The following SMYD5 variants were observed in gnomAD, a reference collection of about 807,000 sequenced individuals.
The protein encoded by SMYD5 is SMYD family member 5.
Under a neutral mutation model 57.4 loss-of-function variants are expected in SMYD5, and 35 were observed. The observed-to-expected ratio is 0.61, with a 90% CI of 0.47 to 0.81. The LOEUF is 0.81. Ranked by LOEUF, SMYD5 falls within the 30% of genes least tolerant of loss-of-function variation. SMYD5 has a pLI of 0.00. For missense variants in SMYD5, 471 were observed against 527.9 expected, an observed-to-expected ratio of 0.89 and a Z score of 1.06; for synonymous variants, 198 against 189.7, an observed-to-expected ratio of 1.04 and a Z score of -0.36.
intron 1 of SMYD5, 27 bp from the exon 2 acceptor site, chr2:73,218,834 G>A: frequency 6.5e-7 from 1 of 1,544,042 alleles, no homozygotes; most frequent in Admixed American, 1.7e-5. Context: ...TCCTTTTTAT[G>A]GCCATCCTAT....
rs368092715 is a variant in SMYD5 at position 73,224,887 on chromosome 2, A to G, written c.962A>G (p.Asn321Ser). 8.7e-6 allele frequency: 14 copies of G among 1,613,830 alleles called. No homozygotes were observed. The highest frequency in any genetic ancestry group is 6.8e-6 in the Non-Finnish European group (8 of 1,179,882). ...QSCCNHSCVP[N>S]AETSFPENNF... ...CCAGGCAACCACAGTTGTGTGCCCA[A>G]TGCAGAGACCTCCTTTCCAGAAAAC... The change falls in exon 11 of 13, where the codon AAT becomes AGT. Residue 321 changes from asparagine to serine, a missense_variant. By Grantham distance (46) the Asn-to-Ser change is conservative (BLOSUM62 1). Transcript: ENST00000389501.
Position 73,223,475 on chromosome 2 carries a change from C to G in SMYD5, c.826C>G (p.Gln276Glu). Residue 276 changes from glutamine (Q) to glutamate (E), a missense_variant, in exon 9 of 13, where the codon CAG becomes GAG. Gln to Glu is a conservative substitution (Grantham distance 29). Coordinates refer to ENST00000389501, the MANE Select transcript of SMYD5 (RefSeq NM_006062.3). ...HACDTLELKP[Q>E]DREQLDAFID... ...CTGTGACACTCTGGAGTTGAAGCCT[C>G]AGGACCGTGAGCAGCTTGACGCCTT... is the stretch of plus-strand genomic sequence containing the variant. The G allele has an allele frequency of 6.2e-7, 1 of 1,614,158 alleles. No homozygotes were observed. Among genetic ancestry groups the G allele is most frequent in the African/African-American group, 1.3e-5 (1 of 75,034 alleles).
intron 3 of SMYD5, among the ~76,000 whole-genome samples, chr2:73,220,458 C>T (rs767301986): frequency 1.3e-5 from 2 of 152,108 alleles, no homozygotes; most frequent in African/African-American, 2.4e-5. Context: ...AGGGGCTCTC[C>T]CCTCTACCTG....
chr2:73,225,488 G>A (rs1686482495), intron 11 of SMYD5, 143 bp from the exon 12 acceptor site: 2 of 745,472 alleles, frequency 2.7e-6, no homozygotes, highest in East Asian at 2.5e-5. Flanking sequence ...ACTGGATGAG[G>A]GCAGCCAGCC....
chr2:73,225,134 G>A (rs1313633582), intron 11 of SMYD5, 174 bp downstream of exon 11: 11 of 568,480 alleles, frequency 1.9e-5, no homozygotes, highest in Admixed American at 1.0e-4. Context: ...ACCCTACCTC[G>A]CTTTTTCAAA....
At position 73,223,512 on chromosome 2, in the gene SMYD5, T is replaced by C; in HGVS notation, c.863T>C (p.Leu288Pro). The part of the protein sequence containing the change: ...REQLDAFIDQ[L>P]YKDIEAATGE... ...CAGCTTGACGCCTTCATTGACCAGCTATACAAGGACATCGAGGCAGGTTGG... is the reference window on the plus strand; with the variant it reads ...CAGCTTGACGCCTTCATTGACCAGCCATACAAGGACATCGAGGCAGGTTGG... The change falls in exon 9 of 13, where the codon CTA becomes CCA. Residue 288 changes from leucine to proline, a missense_variant. By Grantham distance (98) the Leu-to-Pro change is moderately conservative. Transcript: ENST00000389501. 6.2e-7 allele frequency: 1 copy of C among 1,613,662 alleles called. No individual in the cohort carries two copies. Among genetic ancestry groups the C allele is most frequent in the Non-Finnish European group, 8.5e-7 (1 of 1,179,606 alleles).
Position 73,222,651 on chromosome 2 carries a change from G to A in SMYD5, c.643-104G>A, listed in dbSNP as rs12328431. On this transcript the variant is annotated intron_variant, in intron 6 of 12. Coordinates refer to ENST00000389501, the MANE Select transcript of SMYD5 (RefSeq NM_006062.3). ...GCCCCTACGGAAAGCTCAGTCTACA[G>A]AGCTGGCCCTTTTTCCTTCCCTCCC... 2,228 of 880,588 alleles carry A rather than the reference G, an allele frequency of 2.5e-3. 25 individuals carry two copies. In the African/African-American group the frequency reaches 0.031, roughly 12 times the overall value. The allele number at this position is 880,588 out of a possible 1,614,324, so 54.5% of individuals were successfully genotyped here.
chr2:73,224,795 A>G, intron 10 of SMYD5, 71 bp from the exon 11 acceptor site: 1 of 1,193,952 alleles, frequency 8.4e-7, no homozygotes, highest in Non-Finnish European at 1.2e-6. Context: ...GAAAGGACCC[A>G]GTGCTCTGCA....
chr2:73,220,341 G>A, intron 3 of SMYD5, 151 bp downstream of exon 3: 3 of 941,544 alleles, frequency 3.2e-6, no homozygotes, highest in South Asian at 3.4e-5. Flanking sequence ...CTTGGTTATT[G>A]TTCCAGTTTC....
intron 1 of SMYD5, among the ~76,000 whole-genome samples, chr2:73,216,143 A>T (rs993253650): frequency 6.6e-6 from 1 of 152,246 alleles, no homozygotes; most frequent in Non-Finnish European, 1.5e-5. Flanking sequence ...ATGACCAGTC[A>T]GAACAGAAAC....
At chr2:73,224,682 C>T (rs576445059) in intron 10 of SMYD5, among the ~76,000 whole-genome samples, 184 bp from the exon 11 acceptor site, 1 of 152,246 alleles carries the variant, frequency 6.6e-6, no homozygotes, top group East Asian at 1.9e-4. Flanking sequence ...CTGTGGAGTT[C>T]ATTTGTGCTG....
At position 73,225,955 on chromosome 2, in the gene SMYD5, T is replaced by G. The variant is rs768522263; in HGVS notation, c.*9T>G. 6.2e-7 allele frequency: 1 copy of G among 1,610,272 alleles called. No individual in the cohort carries two copies. Among genetic ancestry groups the G allele is most frequent in the South Asian group, 1.1e-5 (1 of 90,604 alleles). On this transcript the variant is annotated 3_prime_UTR_variant, in exon 13 of 13. Transcript: ENST00000389501. ...AGATGACTGATGTGTGATGTTGCCC[T>G]GCCCAGAAAGGGCCCTGCCCTAGAC...
At chr2:73,222,959 G>C (rs1686423672) in intron 7 of SMYD5, 77 bp from the exon 8 acceptor site, 3 of 1,516,964 alleles carry the variant, frequency 2.0e-6, no homozygotes, top group Non-Finnish European at 2.7e-6. Flanking sequence ...CTCACAGAAG[G>C]CTTCCCAAAC....
At position 73,226,034 on chromosome 2, in the gene SMYD5, C is replaced by T; in HGVS notation, c.*88C>T. ...GAGAAGTGGCTTGGAGGGAACTTCC[C>T]ACTCCCATTGCCTGCTTTCCCCATT... On this transcript the variant is annotated 3_prime_UTR_variant, in exon 13 of 13. Transcript: ENST00000389501. 1 of 1,475,086 alleles carries T rather than the reference C, an allele frequency of 6.8e-7. No individual in the cohort carries two copies. Among genetic ancestry groups the T allele is most frequent in the Non-Finnish European group, 9.0e-7 (1 of 1,106,062 alleles). 91.4% of individuals were successfully genotyped at this position (1,475,086 alleles called of 1,614,324 possible). A position where few individuals can be genotyped will look rare whatever the true frequency, so the allele number is the denominator to read the frequency against.
At chr2:73,216,317 G>C (rs1034824466) in intron 1 of SMYD5, among the ~76,000 whole-genome samples, 1 of 152,174 alleles carries the variant, frequency 6.6e-6, no homozygotes, top group African/African-American at 2.4e-5. Flanking sequence ...CGCTTTCGGA[G>C]GCCAAGGTGG....
intron 8 of SMYD5, 48 bp downstream of exon 8, chr2:73,223,154 T>A (rs977920957): frequency 6.6e-7 from 1 of 1,514,298 alleles, no homozygotes; most frequent in African/African-American, 1.4e-5. Flanking sequence ...GGTGGGAAAC[T>A]GAGGAAGGTA....
At chr2:73,223,769 G>A (rs762782423) in intron 9 of SMYD5, among the ~76,000 whole-genome samples, 178 bp from the exon 10 acceptor site, 4 of 152,166 alleles carry the variant, frequency 2.6e-5, no homozygotes, top group Non-Finnish European at 5.9e-5. Context: ...ATGTCTTGTA[G>A]ACAGAAAAGC....
intron 1 of SMYD5, 73 bp downstream of exon 1, chr2:73,214,435 GC>G: frequency 6.2e-7 from 1 of 1,606,882 alleles, no homozygotes; most frequent in Non-Finnish European, 8.5e-7. Flanking sequence ...CGGACTCCAT[GC>G]CCGGAGCCCA....
At position 73,218,918 on chromosome 2, in the gene SMYD5, C is replaced by T. The variant is rs373347931; in HGVS notation, c.154C>T (p.Arg52Trp). 1.4e-5 allele frequency: 23 copies of T among 1,614,062 alleles called. No homozygotes were observed. The highest frequency in any genetic ancestry group is 6.7e-5 in the East Asian group (3 of 44,882). ...IRKGETIFVE[R>W]PLVAAQFLWN... The stretch of plus-strand genomic sequence containing the variant: ...GAAGGGGGAGACCATCTTCGTAGAA[C>T]GGCCCCTGGTGGCTGCACAGTTTCT... The change falls in exon 2 of 13, where the codon CGG becomes TGG. Residue 52 changes from arginine (R) to tryptophan (W), a missense_variant. Transcript: ENST00000389501.
Sources: allele counts gnomAD v4.1 joint callset (sites outside exome capture counted in the v4.1 genomes callset), GRCh38; gene constraint gnomAD v4.1.1; transcripts MANE v1.5; gene names NCBI Gene and HGNC (gene_info 2026-07-23, HGNC 2026-07-21).